The following PARD3 variants were observed in gnomAD, a reference collection of about 807,000 sequenced individuals.
PARD3 encodes partitioning defective 3 homolog.
PARD3 carries 75 observed loss-of-function variants against 155.4 expected under a neutral mutation model. The ratio of observed to expected loss-of-function variants is 0.48; its 90% CI spans 0.40 to 0.58. PARD3 has a LOEUF of 0.58. Among genes scored for constraint, PARD3 ranks in the 20% least tolerant of loss-of-function variants. The pLI, the probability that PARD3 is intolerant of heterozygous loss-of-function variation, is 0.00. For missense variants in PARD3, 1,642 were observed against 1,721.7 expected, an observed-to-expected ratio of 0.95 and a Z score of 0.82; for synonymous variants, 576 against 610.5, an observed-to-expected ratio of 0.94 and a Z score of 0.83.
intron 22 of PARD3, among the ~76,000 whole-genome samples, chr10:34,249,334 A>T (rs892387459): frequency 6.6e-6 from 1 of 152,164 alleles, no homozygotes; most frequent in African/African-American, 2.4e-5. Flanking sequence ...GCTTTTAAGG[A>T]CACAAATTTA....
rs1954898854 is a variant in PARD3 at position 34,260,453 on chromosome 10, G to GA, written c.3419+9203dup. 3.3e-5 allele frequency among the ~76,000 whole-genome samples: 5 copies of GA among 152,316 alleles called. No individual in the cohort carries two copies. The South Asian group carries it at 1.0e-3, about 32-fold the overall frequency. On this transcript the variant is annotated intron_variant, in intron 22 of 24. Transcript: ENST00000374788. ...GAGCTGGCCTGGAAGGAGGAAAGGT[G>GA]ATCTTCAGCTATTAAGGAGAGGCAA...
At chr10:34,439,327 A>G (rs1314041683) in intron 5 of PARD3, among the ~76,000 whole-genome samples, 1 of 152,152 alleles carries the variant, frequency 6.6e-6, no homozygotes, top group African/African-American at 2.4e-5. Context: ...CAAAGGGTTA[A>G]ACTTAATTCC....
At chr10:34,416,316 G>A (rs1845671638) in intron 5 of PARD3, among the ~76,000 whole-genome samples, 1 of 152,152 alleles carries the variant, frequency 6.6e-6, no homozygotes, top group Admixed American at 6.6e-5. Flanking sequence ...GACATAACTA[G>A]ACTAGATGCA....
At chr10:34,186,216 C>T (rs975301194) in intron 22 of PARD3, among the ~76,000 whole-genome samples, 16 of 152,008 alleles carry the variant, frequency 1.1e-4, no homozygotes, top group Non-Finnish European at 5.9e-5. Flanking sequence ...GCCCTAAAGC[C>T]GGACGGGGTA....
In PARD3 at chr10:34,336,190, C is replaced by G; in HGVS notation, c.2605+9G>C. ...TTTCTATGGCAACAGTCTAACTGTC[C>G]ATTCTTACCTGCTTTCTGGTCATCC... On this transcript the variant is annotated intron_variant, in intron 18 of 24. Coordinates refer to ENST00000374788, the MANE Select transcript of PARD3 (RefSeq NM_001184785.2). The G allele has an allele frequency of 6.2e-7, 1 of 1,607,840 alleles. No homozygotes were observed. Among genetic ancestry groups the G allele is most frequent in the Non-Finnish European group, 8.5e-7 (1 of 1,174,706 alleles).
At chr10:34,232,001 T>C (rs1952959071) in intron 22 of PARD3, among the ~76,000 whole-genome samples, 1 of 152,114 alleles carries the variant, frequency 6.6e-6, no homozygotes, top group South Asian at 2.1e-4. Flanking sequence ...CAAGAGATAA[T>C]AGGCCGAAAC....
intron 22 of PARD3, among the ~76,000 whole-genome samples, chr10:34,185,237 G>GA (rs1445462897): frequency 1.3e-5 from 2 of 152,178 alleles, no homozygotes; most frequent in African/African-American, 4.8e-5. Context: ...TTCAAACCTG[G>GA]AAAAACAGTT....
chr10:34,142,151 T>C (rs1246779986), intron 22 of PARD3, among the ~76,000 whole-genome samples: 1 of 152,188 alleles, frequency 6.6e-6, no homozygotes, highest in Non-Finnish European at 1.5e-5. Flanking sequence ...CCCAAGTCTC[T>C]TGACTCCCTA....
intron 23 of PARD3, among the ~76,000 whole-genome samples, chr10:34,128,027 T>C (rs558009179): frequency 1.3e-5 from 2 of 152,298 alleles, no homozygotes; most frequent in South Asian, 4.1e-4. Context: ...TTAATAGTAA[T>C]ATTGTTGCAG....
intron 5 of PARD3, among the ~76,000 whole-genome samples, chr10:34,414,765 TTATATGTTC>T (rs1483626489): frequency 6.6e-6 from 1 of 152,166 alleles, no homozygotes; most frequent in Non-Finnish European, 1.5e-5. Flanking sequence ...ACTCTGATCA[TTATATGTTC>T]TATGGATATA....
At chr10:34,501,978 A>G (rs761687431) in intron 3 of PARD3, among the ~76,000 whole-genome samples, 8 of 152,098 alleles carry the variant, frequency 5.3e-5, no homozygotes, top group Non-Finnish European at 1.2e-4. Context: ...AAAATGACCC[A>G]ATAGAGCTTG....
At chr10:34,783,538 AG>A (rs1275223136) in intron 1 of PARD3, among the ~76,000 whole-genome samples, 1 of 136,908 alleles carries the variant, frequency 7.3e-6, no homozygotes, top group Non-Finnish European at 1.5e-5. Flanking sequence ...CGGGAGGCGG[AG>A]CTTGCAGTGA....
intron 18 of PARD3, among the ~76,000 whole-genome samples, chr10:34,332,601 T>G (rs1273610641): frequency 6.6e-6 from 1 of 152,174 alleles, no homozygotes; most frequent in Non-Finnish European, 1.5e-5. Context: ...TTTTTTAAGA[T>G]TCACTGATGT....
rs1413310154 is a variant in PARD3 at position 34,605,946 on chromosome 10, TC to T, written c.223-88788del. Reference sequence around the variant, plus strand: ...TATATATCTCCTATATATATATATCTCCTATATATATATATCTCCTATATCT... The same window carrying T: ...TATATATCTCCTATATATATATATCTCTATATATATATATCTCCTATATCT... On this transcript the variant is annotated intron_variant, in intron 2 of 24. Transcript: ENST00000374788. Among the ~76,000 whole-genome samples the T allele has an allele frequency of 6.0e-5, 7 of 116,432 alleles. 1 individual carries two copies. The highest frequency in any genetic ancestry group is 2.4e-4 in the African/African-American group (7 of 28,728). 76.4% of individuals were successfully genotyped at this position (116,432 alleles called of 152,430 possible).
intron 1 of PARD3, among the ~76,000 whole-genome samples, chr10:34,734,358 C>A (rs938790593): frequency 3.4e-4 from 33 of 97,432 alleles, no homozygotes; most frequent in African/African-American, 1.2e-3. Flanking sequence ...TTTTTTGAGA[C>A]AGAGTCTCGC....
intron 4 of PARD3, among the ~76,000 whole-genome samples, chr10:34,451,157 A>T (rs1256999870): frequency 6.6e-6 from 1 of 152,186 alleles, no homozygotes; most frequent in Non-Finnish European, 1.5e-5. Flanking sequence ...ATGCTACGTG[A>T]TATTTCTTTC....
chr10:34,292,436 G>GA (rs987300589), intron 20 of PARD3, among the ~76,000 whole-genome samples: 5 of 152,206 alleles, frequency 3.3e-5, no homozygotes, highest in African/African-American at 1.2e-4. Flanking sequence ...GGTTGATTAT[G>GA]AAAAGCAGAA....
At chr10:34,347,851 T>C (rs981499244) in intron 15 of PARD3, 114 bp downstream of exon 15, 5 of 723,294 alleles carry the variant, frequency 6.9e-6, no homozygotes, top group Admixed American at 8.0e-5. Context: ...CATTAATATT[T>C]TTATTTACAT....
chr10:34,159,465 G>GTTTATTCA (rs1949169351), intron 22 of PARD3, among the ~76,000 whole-genome samples: 1 of 152,188 alleles, frequency 6.6e-6, no homozygotes, highest in Admixed American at 6.5e-5. Context: ...AGAAGGCCAA[G>GTTTATTCA]TTTATTCATT....
Sources: allele counts gnomAD v4.1 joint callset (sites outside exome capture counted in the v4.1 genomes callset), GRCh38; gene constraint gnomAD v4.1.1; transcripts MANE v1.5; gene names NCBI Gene and HGNC (gene_info 2026-07-23, HGNC 2026-07-21).